Variants in CADPS observed in about 807,000 individuals in gnomAD.
CADPS encodes calcium-dependent secretion activator 1.
In CADPS, 57 loss-of-function variants were observed where a neutral mutation model predicts 167.3. The ratio of observed to expected loss-of-function variants is 0.34; its 90% CI spans 0.28 to 0.42. CADPS has a LOEUF of 0.42. CADPS is among the 20% of genes least tolerant of loss of function. The pLI, the probability that CADPS is intolerant of heterozygous loss-of-function variation, is 1.00. For synonymous variants in CADPS, 676 were observed against 635.3 expected, an observed-to-expected ratio of 1.06 and a Z score of -0.96; for missense variants, 1,414 against 1,738.1, an observed-to-expected ratio of 0.81 and a Z score of 3.32.
At chr3:62,648,797 T>C (rs1332993414) in intron 5 of CADPS, among the ~76,000 whole-genome samples, 3 of 150,098 alleles carry the variant, frequency 2.0e-5, no homozygotes, top group Non-Finnish European at 4.4e-5. Context: ...CAGTAGGGAA[T>C]AAATTGACAC....
chr3:62,773,475 G>A (rs1365380218), intron 1 of CADPS, among the ~76,000 whole-genome samples: 1 of 151,990 alleles, frequency 6.6e-6, no homozygotes, highest in Non-Finnish European at 1.5e-5. Context: ...TGAAGGTGGG[G>A]AGAATTACGA....
intron 6 of CADPS, among the ~76,000 whole-genome samples, chr3:62,643,295 G>T (rs183265537): frequency 6.6e-6 from 1 of 152,092 alleles, no homozygotes; most frequent in Non-Finnish European, 1.5e-5. Context: ...ATTTGGCCTC[G>T]AACCCTTCTC....
Position 62,850,114 on chromosome 3 carries a change from G to C in CADPS, c.441+24475C>G, listed in dbSNP as rs1371330509. Among the ~76,000 whole-genome samples, 32 of 105,612 alleles carry C rather than the reference G, an allele frequency of 3.0e-4. 1 individual carries two copies. Among genetic ancestry groups the C allele is most frequent in the East Asian group, 4.5e-4 (2 of 4,396 alleles). 69.3% of individuals were successfully genotyped at this position (105,612 alleles called of 152,430 possible). A position where few individuals can be genotyped will look rare whatever the true frequency, so the allele number is the denominator to read the frequency against. On this transcript the variant is annotated intron_variant, in intron 1 of 29. Transcript: ENST00000383710. ...TGGTAGTTTGTATTTCTGTGGGATCGGTGGTGGTATCCCCTTTATCATTTT... is the reference window on the plus strand; with the variant it reads ...TGGTAGTTTGTATTTCTGTGGGATCCGTGGTGGTATCCCCTTTATCATTTT...
chr3:62,577,249 A>C (rs1479722567), intron 8 of CADPS, among the ~76,000 whole-genome samples: 2 of 152,164 alleles, frequency 1.3e-5, no homozygotes, highest in Non-Finnish European at 2.9e-5. Context: ...GTATTTGTGA[A>C]TTTAACGTGA....
At chr3:62,732,703 C>T (rs977473940) in intron 3 of CADPS, among the ~76,000 whole-genome samples, 1 of 152,216 alleles carries the variant, frequency 6.6e-6, no homozygotes, top group African/African-American at 2.4e-5. Context: ...ATGCACCTTG[C>T]ACTCTCATAA....
chr3:62,448,506 A>G (rs1356581130), intron 26 of CADPS, among the ~76,000 whole-genome samples: 3 of 152,112 alleles, frequency 2.0e-5, no homozygotes, highest in Non-Finnish European at 4.4e-5. Flanking sequence ...ACTTAGTCTT[A>G]TTGATCCTCC....
intron 26 of CADPS, among the ~76,000 whole-genome samples, chr3:62,451,833 A>T (rs1378746590): frequency 6.6e-6 from 1 of 152,028 alleles, no homozygotes; most frequent in East Asian, 1.9e-4. Context: ...TCCCTTTTCC[A>T]CTTCCCTAAC....
intron 1 of CADPS, among the ~76,000 whole-genome samples, chr3:62,772,261 A>AC (rs2089060516): frequency 6.6e-6 from 1 of 151,970 alleles, no homozygotes; most frequent in Admixed American, 6.6e-5. Flanking sequence ...GGTATTCCTT[A>AC]CCTCATTCTT....
intron 28 of CADPS, among the ~76,000 whole-genome samples, chr3:62,428,684 G>A (rs2053284597): frequency 6.6e-6 from 1 of 152,160 alleles, no homozygotes; most frequent in African/African-American, 2.4e-5. Flanking sequence ...TGATGGCAGT[G>A]GCAGGGGGCT....
At chr3:62,403,241 A>C in intron 28 of CADPS, 56 bp from the exon 29 acceptor site, 1 of 1,192,968 alleles carries the variant, frequency 8.4e-7, no homozygotes, top group South Asian at 1.2e-5. Flanking sequence ...TTTATAGGGC[A>C]GAGAGAGAGC....
At chr3:62,798,660 A>G (rs557301363) in intron 1 of CADPS, among the ~76,000 whole-genome samples, 68 of 148,544 alleles carry the variant, frequency 4.6e-4, no homozygotes, top group Admixed American at 1.2e-3. Context: ...CTCATCTTTT[A>G]AAGTTCAGCC....
intron 6 of CADPS, among the ~76,000 whole-genome samples, chr3:62,618,802 T>C (rs1018213850): frequency 6.6e-6 from 1 of 152,238 alleles, no homozygotes; most frequent in Non-Finnish European, 1.5e-5. Flanking sequence ...TAGAGTAGTT[T>C]GAAAACTAAA....
chr3:62,514,697 A>G lies in CADPS; in HGVS notation c.2581+1362T>C, dbSNP rs954803067. On this transcript the variant is annotated intron_variant, in intron 16 of 29. Transcript: ENST00000383710. This position sits in a 1 kb window ranked among gnomAD's most constrained non-coding sequence, Gnocchi z 4.2. ...AAAGACTAGTAGTAATAGCTAGACC[A>G]AGACCTATGAGGCAGCAGCCATGGC... Among the ~76,000 whole-genome samples the G allele has an allele frequency of 1.3e-5, 2 of 152,152 alleles. No homozygotes were observed. Among genetic ancestry groups the G allele is most frequent in the African/African-American group, 4.8e-5 (2 of 41,450 alleles).
intron 27 of CADPS, among the ~76,000 whole-genome samples, chr3:62,444,277 C>T (rs151253348): frequency 1.3e-5 from 2 of 152,318 alleles, no homozygotes; most frequent in African/African-American, 2.4e-5. Flanking sequence ...ATTCATCCCC[C>T]ATCCATCTAT....
At chr3:62,839,925 T>C (rs1450746345) in intron 1 of CADPS, among the ~76,000 whole-genome samples, 1 of 152,150 alleles carries the variant, frequency 6.6e-6, no homozygotes, top group Admixed American at 6.5e-5. Context: ...ACCAGATGCA[T>C]GGTGATTTCA....
intron 26 of CADPS, among the ~76,000 whole-genome samples, chr3:62,451,573 A>G (rs1036458307): frequency 2.0e-5 from 3 of 152,152 alleles, no homozygotes; most frequent in Non-Finnish European, 2.9e-5. Context: ...ATACCACCGC[A>G]TTAGTGACTG....
chr3:62,716,027 G>T (rs942394497), intron 3 of CADPS, among the ~76,000 whole-genome samples: 1 of 151,666 alleles, frequency 6.6e-6, no homozygotes, highest in Admixed American at 6.6e-5. Context: ...TCACAGGAGT[G>T]AGCCACTGCA....
intron 3 of CADPS, among the ~76,000 whole-genome samples, chr3:62,685,758 T>C (rs2077902869): frequency 6.6e-6 from 1 of 152,012 alleles, no homozygotes; most frequent in Non-Finnish European, 1.5e-5. Flanking sequence ...AGGCATTAGA[T>C]TCTCATAAGG....
chr3:62,715,753 C>CTTTTTTTTTTT lies in CADPS; in HGVS notation c.888+37677_888+37687dup, dbSNP rs71123291. On this transcript the variant is annotated intron_variant, in intron 3 of 29. Coordinates refer to ENST00000383710, the MANE Select transcript of CADPS (RefSeq NM_003716.4). ...ATTTCAATTTATAATGATTATAAAT[C>CTTTTTTTTTTT]TTTTTTTTTTTTTTTTTTTTTGAGA... Among the ~76,000 whole-genome samples, 98 of 89,684 alleles carry CTTTTTTTTTTT rather than the reference C, an allele frequency of 1.1e-3. 2 individuals carry two copies. Among genetic ancestry groups the CTTTTTTTTTTT allele is most frequent in the East Asian group, 1.9e-3 (5 of 2,594 alleles). The allele number at this position is 89,684 out of a possible 152,430, so 58.8% of individuals were successfully genotyped here. A position where few individuals can be genotyped will look rare whatever the true frequency, so the allele number is the denominator to read the frequency against.
Sources: gnomAD v4.1 joint callset for allele counts (sites outside exome capture counted in the v4.1 genomes callset) on GRCh38, gnomAD v4.1.1 for gene constraint, Gnocchi (gnomAD v3.1) non-coding constraint, MANE v1.5 for transcripts, NCBI Gene and HGNC (gene_info 2026-07-23, HGNC 2026-07-21) for gene names.